Variants in SLC29A3 observed in about 807,000 individuals in gnomAD.
SLC29A3 encodes solute carrier family 29 member 3.
A neutral mutation model predicts 25.4 loss-of-function variants in SLC29A3; 18 were observed. The ratio of observed to expected loss-of-function variants is 0.71; its 90% CI spans 0.49 to 1.05. SLC29A3 has a LOEUF of 1.05. SLC29A3 is among the 50% of genes least tolerant of loss of function. The probability of loss-of-function intolerance (pLI) is 0.00; values close to 1 mark genes in which losing one functional copy is unlikely to be tolerated. For synonymous variants in SLC29A3, 258 were observed against 267.1 expected, an observed-to-expected ratio of 0.97 and a Z score of 0.33; for missense variants, 586 against 609.0, an observed-to-expected ratio of 0.96 and a Z score of 0.40.
At chr10:71,363,395 C>T (rs1333752197), downstream of SLC29A3, 6 of 452,254 alleles carry the variant, frequency 1.3e-5, no homozygotes, top group Non-Finnish European at 2.7e-5. Context: ...ATGTAAGCCT[C>T]ATTGATGTCT....
chr10:71,330,475 G>A (rs186332642), intron 2 of SLC29A3, among the ~76,000 whole-genome samples: 11 of 152,348 alleles, frequency 7.2e-5, no homozygotes. Context: ...GTGAAAGGTG[G>A]ATTGGTCCTG....
intron 3 of SLC29A3, among the ~76,000 whole-genome samples, chr10:71,371,579 C>T (rs1446430930): frequency 1.3e-5 from 2 of 152,134 alleles, no homozygotes. Flanking sequence ...TAATGGTGTT[C>T]CTGGACAGAG....
chr10:71,368,093 AGT>A (rs978097663), downstream of SLC29A3, among the ~76,000 whole-genome samples: 1 of 152,112 alleles, frequency 6.6e-6, no homozygotes, highest in Non-Finnish European at 1.5e-5. Context: ...AGCCAGGCCT[AGT>A]GGTACATGCC....
In SLC29A3 at chr10:71,376,937, G is replaced by A. The variant is rs1282762469; in HGVS notation, c.*211+1126G>A. Among the ~76,000 whole-genome samples, 4 of 152,198 alleles carry A rather than the reference G, an allele frequency of 2.6e-5. No homozygotes were observed. The South Asian group carries it at 6.2e-4, about 24-fold the overall frequency. On this transcript the variant is annotated intron_variant and NMD_transcript_variant, in intron 4 of 4. Coordinates refer to the SLC29A3 transcript ENST00000642772. Reference sequence around the variant, plus strand: ...ATTACAGGCACCTGCCACCACGCCCGGCTAATTTTTATATTTTTAGTAGAG... The same window carrying A: ...ATTACAGGCACCTGCCACCACGCCCAGCTAATTTTTATATTTTTAGTAGAG...
intron 4 of SLC29A3, among the ~76,000 whole-genome samples, chr10:71,377,671 G>A (rs140933047): frequency 5.9e-4 from 90 of 152,332 alleles, no homozygotes; most frequent in African/African-American, 2.0e-3. Flanking sequence ...GCGGCTTTTT[G>A]TTTTGTCCCC....
At chr10:71,330,776 A>G (rs1828746638) in intron 2 of SLC29A3, among the ~76,000 whole-genome samples, 1 of 152,236 alleles carries the variant, frequency 6.6e-6, no homozygotes, top group Non-Finnish European at 1.5e-5. Context: ...GGCACTGCTA[A>G]GGGCACAGAT....
chr10:71,362,301 C>T lies in SLC29A3; in HGVS notation c.1121C>T (p.Pro374Leu), dbSNP rs1847082074. ...ACCGCCTGGATCCAGGTGCCAGGGC[C>T]CAATAGCAAGGCGCTCCCAGGGTTC... ...QLTAWIQVPGPNSKALPGFVL... is the reference protein window; with the variant it reads ...QLTAWIQVPGLNSKALPGFVL... The change falls in exon 6 of 6, where the codon CCC becomes CTC. Residue 374 changes from proline to leucine, a missense_variant. Physicochemically the swap from Pro to Leu is moderately conservative, Grantham distance 98 (BLOSUM62 -3). Transcript: ENST00000373189. The T allele has an allele frequency of 3.1e-6, 5 of 1,614,146 alleles. No individual in the cohort carries two copies. The highest frequency in any genetic ancestry group is 4.2e-6 in the Non-Finnish European group (5 of 1,180,012).
At chr10:71,372,674 T>G (rs961864922) in intron 3 of SLC29A3, among the ~76,000 whole-genome samples, 1 of 152,168 alleles carries the variant, frequency 6.6e-6, no homozygotes, top group Non-Finnish European at 1.5e-5. Flanking sequence ...GCTGTTCCAG[T>G]TGAGGCCTCA....
In SLC29A3 at chr10:71,326,642, C is replaced by A. The variant is rs550763696; in HGVS notation, c.300+3588C>A. Among the ~76,000 whole-genome samples the A allele has an allele frequency of 7.2e-5, 11 of 152,338 alleles. No individual in the cohort carries two copies. In the South Asian group the frequency reaches 2.3e-3, roughly 32 times the overall value. Reference sequence around the variant, plus strand: ...CTGCCAGGTCCCCGGGATCAAGCAGCCTCTGGAGGGAGGGGTGTCCAGGCC... The same window carrying A: ...CTGCCAGGTCCCCGGGATCAAGCAGACTCTGGAGGGAGGGGTGTCCAGGCC... On this transcript the variant is annotated intron_variant, in intron 2 of 5. Coordinates refer to ENST00000373189, the MANE Select transcript of SLC29A3 (RefSeq NM_018344.6).
Position 71,322,973 on chromosome 10 carries a change from T to A in SLC29A3, c.219T>A (p.Thr73=). Residue 73 remains threonine (T), a synonymous_variant, in exon 2 of 6, where the codon ACT becomes ACA. Transcript: ENST00000373189. ...GSLLPWNFFI[T]AKEYWMFKLR... is the part of the protein sequence containing the mutation. ...TACTGCCATGGAACTTCTTTATCAC[T>A]GCCAAGGAGTACTGGATGTTCAAAC... The A allele has an allele frequency of 6.2e-7, 1 of 1,614,160 alleles. No individual in the cohort carries two copies. Among genetic ancestry groups the A allele is most frequent in the Non-Finnish European group, 8.5e-7 (1 of 1,180,038 alleles).
chr10:71,354,544 G>A (rs1846846484), intron 4 of SLC29A3, among the ~76,000 whole-genome samples: 1 of 152,246 alleles, frequency 6.6e-6, no homozygotes, highest in Admixed American at 6.5e-5. Context: ...CCGTGATGGT[G>A]CGCACGGTGG....
At chr10:71,329,981 C>T (rs983211037) in intron 2 of SLC29A3, among the ~76,000 whole-genome samples, 15 of 152,210 alleles carry the variant, frequency 9.9e-5, no homozygotes, top group African/African-American at 3.6e-4. Context: ...TTGGCCTAGT[C>T]TACCTCGAGT....
chr10:71,323,410 C>T (rs573207006), intron 2 of SLC29A3, among the ~76,000 whole-genome samples: 16 of 152,260 alleles, frequency 1.1e-4, no homozygotes, highest in Admixed American at 3.3e-4. Context: ...CATTAGGAAC[C>T]CAGTTGCTTC....
intron 3 of SLC29A3, among the ~76,000 whole-genome samples, chr10:71,348,158 C>T (rs2131834366): frequency 6.6e-6 from 1 of 152,360 alleles, no homozygotes; most frequent in Non-Finnish European, 1.5e-5. Context: ...TTTGTACATC[C>T]AGCAAATATT....
intron 4 of SLC29A3, among the ~76,000 whole-genome samples, chr10:71,354,601 G>C (rs933175625): frequency 3.3e-5 from 5 of 152,210 alleles, no homozygotes; most frequent in Non-Finnish European, 7.3e-5. Context: ...GCAATAGTGG[G>C]CAGGAAAGTG....
intron 2 of SLC29A3, among the ~76,000 whole-genome samples, chr10:71,335,296 G>A (rs1448136657): frequency 6.6e-6 from 1 of 152,080 alleles, no homozygotes; most frequent in East Asian, 1.9e-4. Flanking sequence ...GACCACCCGC[G>A]AATCGGCCCT....
intron 3 of SLC29A3, among the ~76,000 whole-genome samples, chr10:71,347,865 T>C (rs1348615454): frequency 6.6e-6 from 1 of 152,198 alleles, no homozygotes; most frequent in East Asian, 1.9e-4. Context: ...CCCCCAGCTC[T>C]CTGCAAAACA....
chr10:71,335,577 G>T (rs1026523971), intron 2 of SLC29A3, among the ~76,000 whole-genome samples: 6 of 152,228 alleles, frequency 3.9e-5, no homozygotes, highest in African/African-American at 1.4e-4. Context: ...GGGTGGACAC[G>T]TGAGCCATAG....
intron 1 of SLC29A3, among the ~76,000 whole-genome samples, chr10:71,319,885 C>A (rs1243612212): frequency 2.0e-5 from 3 of 152,248 alleles, no homozygotes; most frequent in Non-Finnish European, 4.4e-5. Flanking sequence ...CAGTGCCTGC[C>A]TCCTTGTGTG....
Sources: allele counts gnomAD v4.1 joint callset (sites outside exome capture counted in the v4.1 genomes callset), GRCh38; gene constraint gnomAD v4.1.1; transcripts MANE v1.5; gene names NCBI Gene and HGNC (gene_info 2026-07-23, HGNC 2026-07-21).